TMEM119: variants seen among roughly 807,000 people sequenced by gnomAD.
The protein encoded by TMEM119 is transmembrane protein 119.
For synonymous variants in TMEM119, 182 were observed against 176.4 expected, an observed-to-expected ratio of 1.03 and a Z score of -0.25; for missense variants, 410 against 381.0, an observed-to-expected ratio of 1.08 and a Z score of -0.63.
At position 108,591,422 on chromosome 12, in the gene TMEM119, G is replaced by A; in HGVS notation, c.*110C>T. The A allele has an allele frequency of 1.6e-6, 2 of 1,282,034 alleles. No homozygotes were observed. The highest frequency in any genetic ancestry group is 1.1e-6 in the Non-Finnish European group (1 of 940,152). The allele number at this position is 1,282,034 out of a possible 1,614,324, so 79.4% of individuals were successfully genotyped here. A position where few individuals can be genotyped will look rare whatever the true frequency, so the allele number is the denominator to read the frequency against. ...CACATGCTGGGATTGGCACCACAGG[G>A]AGGCCAAGGAGGGAGTGTCAGGAAG... On this transcript the variant is annotated 3_prime_UTR_variant, in exon 2 of 2. Coordinates refer to ENST00000392806, the MANE Select transcript of TMEM119 (RefSeq NM_181724.3). The surrounding 1 kb of genome is among the most constrained non-coding windows in gnomAD (Gnocchi z 4.2).
Position 108,592,240 on chromosome 12 carries a change from C to G in TMEM119, c.144G>C (p.Ser48=), listed in dbSNP as rs768179270. 19 of 1,607,612 alleles carry G rather than the reference C, an allele frequency of 1.2e-5. No homozygotes were observed. Among genetic ancestry groups the G allele is most frequent in the Non-Finnish European group, 1.6e-5 (19 of 1,178,288 alleles). The change falls in exon 2 of 2, where the codon TCG becomes TCC. Residue 48 remains serine (S), a synonymous_variant. Coordinates refer to ENST00000392806, the MANE Select transcript of TMEM119 (RefSeq NM_181724.3). This position sits in a 1 kb window ranked among gnomAD's most constrained non-coding sequence, Gnocchi z 4.3. ...VAGSGEAEGS[S]ASSPSLPPPW... Reference sequence around the variant, plus strand: ...GTGGCGGGAGGCTCGGGGAGGAGGCCGACGAGCCCTCGGCCTCCCCACTAC... The same window carrying G: ...GTGGCGGGAGGCTCGGGGAGGAGGCGGACGAGCCCTCGGCCTCCCCACTAC...
In TMEM119 at chr12:108,592,208, G is replaced by A. The variant is rs372894632; in HGVS notation, c.176C>T (p.Thr59Ile). 5.0e-6 allele frequency: 8 copies of A among 1,613,326 alleles called. No homozygotes were observed. The South Asian group carries it at 7.7e-5, about 16-fold the overall frequency. ...CATCGATGTGGGGCTGAGGGCCGGG[G>A]TCCAGGGTGGCGGGAGGCTCGGGGA... ...ASSPSLPPPW[T>I]PALSPTSMGP... Residue 59 changes from threonine to isoleucine, a missense_variant, in exon 2 of 2, where the codon ACC becomes ATC. Physicochemically the swap from Thr to Ile is moderately conservative, Grantham distance 89. Transcript: ENST00000392806. The surrounding 1 kb of genome is among the most constrained non-coding windows in gnomAD (Gnocchi z 4.3).
Position 108,590,696 on chromosome 12 carries a change from CA to C in TMEM119, c.*835del, listed in dbSNP as rs922810391. ...TGGGTGACAGACCGAGACTCCGTCT[CA>C]AAAAAAAAAATCTTGTTTCCGTAGA... On this transcript the variant is annotated 3_prime_UTR_variant, in exon 2 of 2. Transcript: ENST00000392806. 1.4e-4 allele frequency: 20 copies of C among 147,126 alleles called. No homozygotes were observed. The highest frequency in any genetic ancestry group is 2.2e-4 in the South Asian group (1 of 4,632). The allele number at this position is 147,126 out of a possible 1,614,324, so 9.1% of individuals were successfully genotyped here. A position where few individuals can be genotyped will look rare whatever the true frequency, so the allele number is the denominator to read the frequency against.
chr12:108,595,237 A>C (rs1426487769), intron 1 of TMEM119, among the ~76,000 whole-genome samples: 1 of 151,648 alleles, frequency 6.6e-6, no homozygotes, highest in Non-Finnish European at 1.5e-5. Context: ...CTCACCACAC[A>C]CACAACCATT....
At chr12:108,597,290 G>A (rs971843628) in intron 1 of TMEM119, among the ~76,000 whole-genome samples, 2 of 152,110 alleles carry the variant, frequency 1.3e-5, no homozygotes, top group Admixed American at 6.5e-5. Context: ...GTGGCCTTTG[G>A]GGGAGGGGCG....
Position 108,592,028 on chromosome 12 carries a change from C to T in TMEM119, c.356G>A (p.Arg119Gln), listed in dbSNP as rs777700211. Residue 119 changes from arginine (R) to glutamine (Q), a missense_variant, in exon 2 of 2, where the codon CGG becomes CAG. Transcript: ENST00000392806. The surrounding 1 kb of genome is among the most constrained non-coding windows in gnomAD (Gnocchi z 4.3). ...MFIVCAAVIT[R>Q]QKQKASAYYP... ...ATAGGCCGAGGCCTTCTGCTTCTGCCGGGTGATGACCGCGGCACAGACGAT... is the reference window on the plus strand; with the variant it reads ...ATAGGCCGAGGCCTTCTGCTTCTGCTGGGTGATGACCGCGGCACAGACGAT... 1.1e-5 allele frequency: 18 copies of T among 1,614,006 alleles called. No homozygotes were observed. The highest frequency in any genetic ancestry group is 4.0e-5 in the African/African-American group (3 of 74,914).
chr12:108,591,708 C>T lies in TMEM119; in HGVS notation c.676G>A (p.Val226Met), dbSNP rs2031401486. 2 of 1,612,730 alleles carry T rather than the reference C, an allele frequency of 1.2e-6. No individual in the cohort carries two copies. Among genetic ancestry groups the T allele is most frequent in the Non-Finnish European group, 1.7e-6 (2 of 1,179,430 alleles). Residue 226 changes from valine (V) to methionine (M), a missense_variant, in exon 2 of 2, where the codon GTG (valine) becomes ATG (methionine). By Grantham distance (21) the Val-to-Met change is conservative (BLOSUM62 1). Coordinates refer to ENST00000392806, the MANE Select transcript of TMEM119 (RefSeq NM_181724.3). The surrounding 1 kb of genome is among the most constrained non-coding windows in gnomAD (Gnocchi z 4.2). Reference protein sequence around the residue: ...DQEVQGHGVPVETPEAQEEPC... With the variant: ...DQEVQGHGVPMETPEAQEEPC... ...TCCTCCTGCGCCTCTGGTGTCTCCACTGGGACCCCATGTCCCTGGACTTCC... is the reference window on the plus strand; with the variant it reads ...TCCTCCTGCGCCTCTGGTGTCTCCATTGGGACCCCATGTCCCTGGACTTCC...
Position 108,590,975 on chromosome 12 carries a change from C to A in TMEM119, c.*557G>T, listed in dbSNP as rs7303227. ...CGCTGGGCACCTTGGCGTCTCTCAT[C>A]CAAACTCTTCCAAAACTCCCACTTA... On this transcript the variant is annotated 3_prime_UTR_variant, in exon 2 of 2. Coordinates refer to ENST00000392806, the MANE Select transcript of TMEM119 (RefSeq NM_181724.3). 5,989 of 152,454 alleles carry A rather than the reference C, an allele frequency of 0.039. 184 individuals carry two copies. The highest frequency in any genetic ancestry group is 0.082 in the African/African-American group (3,389 of 41,578). 9.4% of individuals were successfully genotyped at this position (152,454 alleles called of 1,614,324 possible).
chr12:108,594,851 A>G (rs759262289), intron 1 of TMEM119, among the ~76,000 whole-genome samples: 11 of 152,230 alleles, frequency 7.2e-5, no homozygotes, highest in Non-Finnish European at 1.3e-4. Context: ...CCAGGAGTTC[A>G]AGACCAGCCT....
chr12:108,594,663 C>T (rs1417362158), intron 1 of TMEM119: 4 of 150,796 alleles, frequency 2.7e-5, no homozygotes, highest in African/African-American at 9.8e-5. Context: ...CAAAATTGGC[C>T]AGGTGTGGTG....
intron 1 of TMEM119, among the ~76,000 whole-genome samples, chr12:108,593,396 A>T (rs1451018133): frequency 6.6e-6 from 1 of 151,984 alleles, no homozygotes; most frequent in East Asian, 1.9e-4. Flanking sequence ...GTGAGCCGAG[A>T]TCGCGCCACT....
chr12:108,591,994 C>A lies in TMEM119; in HGVS notation c.390G>T (p.Ser130=). ...QKQKASAYYP[S]SFPKKKYVDQ... is the part of the protein sequence containing the mutation. ...CCACGTACTTCTTCTTGGGGAAGGACGATGGGTAATAGGCCGAGGCCTTCT... is the reference window on the plus strand; with the variant it reads ...CCACGTACTTCTTCTTGGGGAAGGAAGATGGGTAATAGGCCGAGGCCTTCT... Residue 130 remains serine (S), a synonymous_variant, in exon 2 of 2, where the codon TCG becomes TCT. Coordinates refer to ENST00000392806, the MANE Select transcript of TMEM119 (RefSeq NM_181724.3). This position sits in a 1 kb window ranked among gnomAD's most constrained non-coding sequence, Gnocchi z 4.2. The A allele has an allele frequency of 1.2e-6, 2 of 1,613,658 alleles. No individual in the cohort carries two copies. Among genetic ancestry groups the A allele is most frequent in the South Asian group, 1.1e-5 (1 of 91,060 alleles).
In TMEM119 at chr12:108,591,813, G is replaced by T; in HGVS notation, c.571C>A (p.Leu191Met). Residue 191 changes from leucine (L) to methionine (M), a missense_variant, in exon 2 of 2, where the codon CTG becomes ATG. Physicochemically the swap from Leu to Met is conservative, Grantham distance 15. Coordinates refer to ENST00000392806, the MANE Select transcript of TMEM119 (RefSeq NM_181724.3). The surrounding 1 kb of genome is among the most constrained non-coding windows in gnomAD (Gnocchi z 4.2). ...QNLKSPTRAA[L>M]GGGDGARMVE... is the part of the protein sequence containing the mutation. ...ATCCTGGCTCCGTCCCCACCGCCCA[G>T]TGCAGCCCTGGTGGGGGACTTGAGG... The T allele has an allele frequency of 1.3e-6, 2 of 1,598,380 alleles. No individual in the cohort carries two copies. Among genetic ancestry groups the T allele is most frequent in the Non-Finnish European group, 1.7e-6 (2 of 1,172,488 alleles).
chr12:108,597,809 G>A (rs948750306), intron 1 of TMEM119, among the ~76,000 whole-genome samples, 161 bp downstream of exon 1: 1 of 141,910 alleles, frequency 7.0e-6, no homozygotes, highest in Non-Finnish European at 1.5e-5. Flanking sequence ...CACCGCACAC[G>A]GGACTCAGAT....
intron 1 of TMEM119, among the ~76,000 whole-genome samples, chr12:108,595,465 CACATGCACACACACCCCACACACAA>C (rs1014462834): frequency 6.6e-6 from 1 of 151,098 alleles, no homozygotes; most frequent in African/African-American, 2.4e-5. Flanking sequence ...ATCATCTACA[CACATGCACACACACCCCACACACAA>C]ACATGCACAC....
rs1437169826 is a variant in TMEM119, at chr12:108,592,838, C to T, written c.-14-441G>A. On this transcript the variant is annotated intron_variant, in intron 1 of 1. Coordinates refer to ENST00000392806, the MANE Select transcript of TMEM119 (RefSeq NM_181724.3). This position sits in a 1 kb window ranked among gnomAD's most constrained non-coding sequence, Gnocchi z 4.3. ...TAGGCCCATTTTGCAGATGAAAAAA[C>T]AGAGGCTGAGAGGGACGTGGTGACT... Among the ~76,000 whole-genome samples the T allele has an allele frequency of 6.6e-6, 1 of 152,052 alleles. No homozygotes were observed. Among genetic ancestry groups the T allele is most frequent in the Non-Finnish European group, 1.5e-5 (1 of 68,010 alleles).
At chr12:108,597,457 C>CCACACA (rs140676624) in intron 1 of TMEM119, among the ~76,000 whole-genome samples, 7 of 149,644 alleles carry the variant, frequency 4.7e-5, no homozygotes, top group East Asian at 2.0e-4. Flanking sequence ...CAATCCCCCT[C>CCACACA]CACACACACA....
intron 1 of TMEM119, among the ~76,000 whole-genome samples, chr12:108,595,438 C>G (rs965292816): frequency 6.8e-6 from 1 of 148,084 alleles, no homozygotes; most frequent in Non-Finnish European, 1.5e-5. Context: ...TACACACATG[C>G]ACATACTACA....
In TMEM119 at chr12:108,591,574, G is replaced by A. The variant is rs747525583; in HGVS notation, c.810C>T (p.Pro270=). ...AQEAQGPVGP[P]ESPCACSSVH... is the part of the protein sequence containing the mutation. ...CACTGCTGCAAGCACAGGGGCTTTC[G>A]GGGGGACCCACTGGTCCCTGGGCTT... is the stretch of plus-strand genomic sequence containing the variant. Residue 270 remains proline, a synonymous_variant, in exon 2 of 2, where the codon CCC becomes CCT. Transcript: ENST00000392806. This position sits in a 1 kb window ranked among gnomAD's most constrained non-coding sequence, Gnocchi z 4.2. 143 of 1,612,188 alleles carry A rather than the reference G, an allele frequency of 8.9e-5. No homozygotes were observed. The highest frequency in any genetic ancestry group is 1.2e-4 in the Non-Finnish European group (137 of 1,179,174).
Sources: gnomAD v4.1 joint callset for allele counts (sites outside exome capture counted in the v4.1 genomes callset) on GRCh38, gnomAD v4.1.1 for gene constraint, Gnocchi (gnomAD v3.1) non-coding constraint, MANE v1.5 for transcripts, NCBI Gene and HGNC (gene_info 2026-07-23, HGNC 2026-07-21) for gene names.